Variants in SLC24A2 observed in about 807,000 individuals in gnomAD.
SLC24A2 encodes the protein solute carrier family 24 member 2.
In SLC24A2, 36 loss-of-function variants were observed where a neutral mutation model predicts 62.0. The observed-to-expected ratio is 0.58, with a 90% CI of 0.44 to 0.77. The LOEUF (loss-of-function observed/expected upper bound fraction) is 0.77. SLC24A2 is among the 30% of genes least tolerant of loss of function. SLC24A2 has a pLI of 0.00. For synonymous variants in SLC24A2, 358 were observed against 294.0 expected, an observed-to-expected ratio of 1.22 and a Z score of -2.23; for missense variants, 846 against 817.9, an observed-to-expected ratio of 1.03 and a Z score of -0.42.
At chr9:19,887,257 C>T in the SLC24A2 span, among the ~76,000 whole-genome samples, 1 of 152,048 alleles carries the variant, frequency 6.6e-6, no homozygotes, top group Non-Finnish European at 1.5e-5. Flanking sequence ...AATGGGGTTG[C>T]CTTTTGCTTG....
chr9:19,543,268 G>A (rs1166491536), intron 8 of SLC24A2, among the ~76,000 whole-genome samples: 1 of 152,104 alleles, frequency 6.6e-6, no homozygotes, highest in East Asian at 1.9e-4. Context: ...TGGGATCAGT[G>A]GTGATATCCC....
intron 6 of SLC24A2, 45 bp downstream of exon 6, chr9:19,576,879 G>A (rs373968118): frequency 2.7e-5 from 39 of 1,446,222 alleles, no homozygotes; most frequent in Middle Eastern, 1.7e-4. Context: ...TGCTCCCCTC[G>A]CTTCCCCCAG....
At chr9:19,819,612 C>G in the SLC24A2 span, among the ~76,000 whole-genome samples, 9 of 152,028 alleles carry the variant, frequency 5.9e-5, no homozygotes, top group African/African-American at 2.2e-4. Flanking sequence ...AAAAAATTCT[C>G]AACATCACTA....
chr9:20,046,839 T>A, the SLC24A2 span, among the ~76,000 whole-genome samples: 4 of 152,206 alleles, frequency 2.6e-5, no homozygotes, highest in African/African-American at 9.6e-5. Context: ...AGTTTTTCTC[T>A]CCTCTTAAAA....
chr9:19,666,124 G>A (rs1819245505), intron 2 of SLC24A2, among the ~76,000 whole-genome samples: 1 of 151,932 alleles, frequency 6.6e-6, no homozygotes, highest in African/African-American at 2.4e-5. Flanking sequence ...TTTTATTATT[G>A]GCCAGGCACA....
chr9:19,962,007 T>C, the SLC24A2 span, among the ~76,000 whole-genome samples: 6 of 152,242 alleles, frequency 3.9e-5, no homozygotes, highest in African/African-American at 9.6e-5. Context: ...TAAGCTGCTA[T>C]GTTTGGGGAT....
the SLC24A2 span, among the ~76,000 whole-genome samples, chr9:19,997,509 G>C: frequency 6.6e-6 from 1 of 152,164 alleles, no homozygotes; most frequent in African/African-American, 2.4e-5. Context: ...AAGAAGATCA[G>C]AGGAGGTGGT....
chr9:20,062,167 A>C, the SLC24A2 span, among the ~76,000 whole-genome samples: 4 of 152,154 alleles, frequency 2.6e-5, no homozygotes, highest in African/African-American at 9.7e-5. Flanking sequence ...AGTCCAAGGT[A>C]GCAGTGAGCT....
chr9:20,086,613 T>G, the SLC24A2 span, among the ~76,000 whole-genome samples: 1 of 152,158 alleles, frequency 6.6e-6, no homozygotes, highest in Admixed American at 6.5e-5. Flanking sequence ...CTCACAGGTT[T>G]TGTTTTTATC....
chr9:19,651,631 C>A (rs939919930), intron 2 of SLC24A2, among the ~76,000 whole-genome samples: 1 of 152,188 alleles, frequency 6.6e-6, no homozygotes, highest in Non-Finnish European at 1.5e-5. Context: ...CAAACTTTCA[C>A]TACTTTTTAA....
chr9:20,245,768 A>G, the SLC24A2 span, among the ~76,000 whole-genome samples: 1 of 152,218 alleles, frequency 6.6e-6, no homozygotes, highest in African/African-American at 2.4e-5. Context: ...AGTTTAACTT[A>G]GTCAGAAGAG....
At chr9:19,578,852 A>G (rs1788191347) in intron 5 of SLC24A2, among the ~76,000 whole-genome samples, 2 of 152,192 alleles carry the variant, frequency 1.3e-5, no homozygotes, top group South Asian at 4.1e-4. Context: ...TCACGGCTCC[A>G]TTAGTCACAA....
chr9:19,577,961 C>A (rs10738544), intron 5 of SLC24A2, among the ~76,000 whole-genome samples: 139,381 of 151,668 alleles, frequency 0.92, 64,125 homozygotes, highest in East Asian at 1. Flanking sequence ...ATTGGAGACT[C>A]TTATTCTAAG....
chr9:19,519,268 A>G (rs1833078242), intron 10 of SLC24A2, among the ~76,000 whole-genome samples: 1 of 152,196 alleles, frequency 6.6e-6, no homozygotes, highest in Non-Finnish European at 1.5e-5. Context: ...ACTTTGTGAA[A>G]TATATGGAAG....
the SLC24A2 span, among the ~76,000 whole-genome samples, chr9:19,889,031 G>A: frequency 1.3e-5 from 2 of 152,146 alleles, no homozygotes; most frequent in South Asian, 4.1e-4. Flanking sequence ...GAGGAGGAGA[G>A]CCCTGGCCCC....
chr9:20,210,706 G>A, the SLC24A2 span, among the ~76,000 whole-genome samples: 2 of 131,214 alleles, frequency 1.5e-5, no homozygotes, highest in Non-Finnish European at 3.1e-5. Context: ...GGGTTTCACC[G>A]TATTAGCCAG....
At chr9:20,073,559 G>C in the SLC24A2 span, among the ~76,000 whole-genome samples, 1 of 152,032 alleles carries the variant, frequency 6.6e-6, no homozygotes, top group Admixed American at 6.6e-5. Context: ...CCATATCTTA[G>C]AGTTTTGCCT....
chr9:20,142,889 C>G, the SLC24A2 span, among the ~76,000 whole-genome samples: 2,040 of 152,318 alleles, frequency 0.013, 52 homozygotes, highest in African/African-American at 0.047. Context: ...AACCACCGTG[C>G]CCGGCCTTTC....
intron 2 of SLC24A2, among the ~76,000 whole-genome samples, chr9:19,773,593 A>G (rs1002455510): frequency 4.6e-5 from 7 of 152,160 alleles, no homozygotes; most frequent in Admixed American, 1.3e-4. Context: ...TATCATGAAC[A>G]CTCATCATCA....
Sources: allele counts gnomAD v4.1 joint callset (sites outside exome capture counted in the v4.1 genomes callset), GRCh38; gene constraint gnomAD v4.1.1; transcripts MANE v1.5; gene names NCBI Gene and HGNC (gene_info 2026-07-23, HGNC 2026-07-21).